ZNF829: variants seen among roughly 807,000 people sequenced by gnomAD.
ZNF829 encodes zinc finger protein 829.
A neutral mutation model predicts 35.2 loss-of-function variants in ZNF829; 25 were observed. That is an observed-to-expected ratio of 0.71 (90% confidence interval 0.52 to 0.99). ZNF829 has a LOEUF of 0.99. Ranked by LOEUF, ZNF829 falls within the 50% of genes least tolerant of loss-of-function variation. The pLI is 0.00. For synonymous variants in ZNF829, 136 were observed against 163.2 expected (o/e 0.83, Z 1.27); for missense variants, 417 against 515.3 (o/e 0.81, Z 1.85).
intron 5 of ZNF829, among the ~76,000 whole-genome samples, chr19:36,896,182 G>A (rs1042604449): frequency 2.0e-5 from 3 of 151,986 alleles, no homozygotes; most frequent in Non-Finnish European, 4.4e-5. Context: ...ATGGTGGCAG[G>A]CACCTGTAGT....
chr19:36,900,097 G>A (rs1426578066), intron 5 of ZNF829, among the ~76,000 whole-genome samples: 1 of 149,930 alleles, frequency 6.7e-6, no homozygotes, highest in East Asian at 2.0e-4. Context: ...CTTGAGGTCC[G>A]GAGTTCAAGA....
At chr19:36,915,935 C>T (rs2146256419) in intron 1 of ZNF829, 76 bp downstream of exon 1, 2 of 1,535,676 alleles carry the variant, frequency 1.3e-6, no homozygotes, top group African/African-American at 1.4e-5. Flanking sequence ...GGTATCCTCA[C>T]CTAAGCCCTT....
chr19:36,893,829 C>T (rs1345824682), intron 5 of ZNF829, among the ~76,000 whole-genome samples: 2 of 152,142 alleles, frequency 1.3e-5, no homozygotes, highest in African/African-American at 4.8e-5. Flanking sequence ...CTAATGGTTT[C>T]CCCAGTATGT....
At position 36,889,625 on chromosome 19, in the gene ZNF829, C is replaced by T. The variant is rs138835424; in HGVS notation, c.*1867G>A. 1.3e-5 allele frequency: 2 copies of T among 152,242 alleles called. No homozygotes were observed. The highest frequency in any genetic ancestry group is 4.8e-5 in the African/African-American group (2 of 41,540). 9.4% of individuals were successfully genotyped at this position (152,242 alleles called of 1,614,324 possible). ...ATGTCTGTGTTATCAGTTATAATATCACCTTATCATTTCTGATTGTATTTA... is the reference window on the plus strand; with the variant it reads ...ATGTCTGTGTTATCAGTTATAATATTACCTTATCATTTCTGATTGTATTTA... On this transcript the variant is annotated 3_prime_UTR_variant, in exon 6 of 6. Coordinates refer to ENST00000391711, the MANE Select transcript of ZNF829 (RefSeq NM_001037232.4).
At chr19:36,900,145 AACACACACACACACAC>A (rs56218050) in intron 5 of ZNF829, among the ~76,000 whole-genome samples, 1,245 of 120,488 alleles carry the variant, frequency 0.01, 14 homozygotes, top group Non-Finnish European at 0.015. Context: ...GTCTCTACTA[AACACACACACACACAC>A]ACACACACAC....
At chr19:36,910,684 G>A (rs1230982968) in intron 3 of ZNF829, among the ~76,000 whole-genome samples, 1 of 152,044 alleles carries the variant, frequency 6.6e-6, no homozygotes, top group Admixed American at 6.5e-5. Context: ...CTTCCATTTT[G>A]CTGTTCCTTA....
Position 36,890,071 on chromosome 19 carries a change from T to C in ZNF829, c.*1421A>G, listed in dbSNP as rs377706539. 1 of 152,222 alleles carries C rather than the reference T, an allele frequency of 6.6e-6. No homozygotes were observed. Among genetic ancestry groups the C allele is most frequent in the South Asian group, 2.1e-4 (1 of 4,836 alleles). The allele number at this position is 152,222 out of a possible 1,614,324, so 9.4% of individuals were successfully genotyped here. A position where few individuals can be genotyped will look rare whatever the true frequency, so the allele number is the denominator to read the frequency against. ...GCTGTTTAAATTCCATGTATCTGTTTTGAGAGTTCCTCTTGGTATTGATAT... is the reference window on the plus strand; with the variant it reads ...GCTGTTTAAATTCCATGTATCTGTTCTGAGAGTTCCTCTTGGTATTGATAT... On this transcript the variant is annotated 3_prime_UTR_variant, in exon 6 of 6. Transcript: ENST00000391711.
chr19:36,910,973 C>T (rs542499311), intron 3 of ZNF829, among the ~76,000 whole-genome samples: 2 of 152,326 alleles, frequency 1.3e-5, no homozygotes, highest in African/African-American at 4.8e-5. Context: ...TGCCGTTGCA[C>T]TCCAGCCTGG....
At position 36,890,918 on chromosome 19, in the gene ZNF829, T is replaced by C. The variant is rs1265930688; in HGVS notation, c.*574A>G. 6.6e-6 allele frequency: 1 copy of C among 152,142 alleles called. No homozygotes were observed. Among genetic ancestry groups the C allele is most frequent in the East Asian group, 1.9e-4 (1 of 5,196 alleles). 9.4% of individuals were successfully genotyped at this position (152,142 alleles called of 1,614,324 possible). ...TATGTATAAAAGGAAATTACAAATA[T>C]ATTAGACAAAATCATTCTAACAGGG... On this transcript the variant is annotated 3_prime_UTR_variant, in exon 6 of 6. Coordinates refer to ENST00000391711, the MANE Select transcript of ZNF829 (RefSeq NM_001037232.4).
At chr19:36,902,355 C>T (rs889598594) in intron 5 of ZNF829, among the ~76,000 whole-genome samples, 1 of 152,208 alleles carries the variant, frequency 6.6e-6, no homozygotes, top group African/African-American at 2.4e-5. Context: ...AAAAACTAGG[C>T]CGGGTGCTGT....
chr19:36,906,444 C>CA (rs2146244019), intron 5 of ZNF829: 1 of 152,274 alleles, frequency 6.6e-6, no homozygotes, highest in East Asian at 1.9e-4. Context: ...TCACAGAACA[C>CA]ACACATCAGA....
intron 3 of ZNF829, among the ~76,000 whole-genome samples, chr19:36,911,768 T>G (rs1486665201): frequency 6.6e-6 from 1 of 152,168 alleles, no homozygotes; most frequent in Non-Finnish European, 1.5e-5. Flanking sequence ...GCACAAAGAT[T>G]AGTACCTATT....
At chr19:36,892,796 AT>A (rs774351036) in intron 5 of ZNF829, 116 of 567,648 alleles carry the variant, frequency 2.0e-4, no homozygotes, top group South Asian at 3.2e-4. Flanking sequence ...AAAAAAAAAA[AT>A]TTTTTTTGCC....
intron 5 of ZNF829, among the ~76,000 whole-genome samples, chr19:36,894,490 A>G (rs2073093074): frequency 1.3e-5 from 2 of 152,182 alleles, no homozygotes; most frequent in South Asian, 4.1e-4. Context: ...AAAGAATTCA[A>G]AATAATGATA....
chr19:36,914,474 C>T (rs145599563), intron 3 of ZNF829, among the ~76,000 whole-genome samples: 8 of 152,106 alleles, frequency 5.3e-5, no homozygotes, highest in Admixed American at 1.3e-4. Flanking sequence ...TTATTAATCA[C>T]GGAAACCCAA....
chr19:36,908,378 A>G lies in ZNF829; in HGVS notation c.178T>C (p.Tyr60His). The G allele has an allele frequency of 6.2e-7, 1 of 1,613,906 alleles. No individual in the cohort carries two copies. The highest frequency in any genetic ancestry group is 8.5e-7 in the Non-Finnish European group (1 of 1,179,884). The change falls in exon 4 of 6, where the codon TAC (tyrosine) becomes CAC (histidine). Residue 60 changes from tyrosine to histidine, a missense_variant. Tyr to His is a moderately conservative substitution (Grantham distance 83, BLOSUM62 2). Coordinates refer to ENST00000391711, the MANE Select transcript of ZNF829 (RefSeq NM_001037232.4). Reference protein sequence around the residue: ...ECLDADQMNLYKEVMLENFSN... With the variant: ...ECLDADQMNLHKEVMLENFSN... ...AAATTCTCCAACATCACTTCTTTGT[A>G]TAAATTCATCTGATCAGCGTCCAGG...
chr19:36,891,413 T>C lies in ZNF829; in HGVS notation c.*79A>G, dbSNP rs1047897966. The C allele has an allele frequency of 2.9e-6, 4 of 1,371,788 alleles. No individual in the cohort carries two copies. Among genetic ancestry groups the C allele is most frequent in the African/African-American group, 2.9e-5 (2 of 68,338 alleles). 85.0% of individuals were successfully genotyped at this position (1,371,788 alleles called of 1,614,324 possible). A position where few individuals can be genotyped will look rare whatever the true frequency, so the allele number is the denominator to read the frequency against. ...ATACATAGGAGAACCTTTGATAATA[T>C]GTATCCTAATTTGTTCTCCTTACCT... is the stretch of plus-strand genomic sequence containing the variant. On this transcript the variant is annotated 3_prime_UTR_variant, in exon 6 of 6. Transcript: ENST00000391711.
In ZNF829 at chr19:36,888,397, C is replaced by G. The variant is rs889888741; in HGVS notation, c.*3095G>C. On this transcript the variant is annotated 3_prime_UTR_variant, in exon 6 of 6. Coordinates refer to ENST00000391711, the MANE Select transcript of ZNF829 (RefSeq NM_001037232.4). ...CTCCTTGCCCTGATGATATCTGTCT[C>G]TACAATATCCAGTACTCCCACGTCA... is the stretch of plus-strand genomic sequence containing the variant. The G allele has an allele frequency of 2.0e-5, 3 of 152,178 alleles. No individual in the cohort carries two copies. The highest frequency in any genetic ancestry group is 7.2e-5 in the African/African-American group (3 of 41,440). The allele number at this position is 152,178 out of a possible 1,614,324, so 9.4% of individuals were successfully genotyped here. A position where few individuals can be genotyped will look rare whatever the true frequency, so the allele number is the denominator to read the frequency against.
At chr19:36,915,915 A>G in intron 1 of ZNF829, 96 bp downstream of exon 1, 1 of 1,536,036 alleles carries the variant, frequency 6.5e-7, no homozygotes, top group Non-Finnish European at 8.7e-7. Context: ...CCAGCTCCCC[A>G]TCGGTCTTCG....
Sources: gnomAD v4.1 joint callset for allele counts (sites outside exome capture counted in the v4.1 genomes callset) on GRCh38, gnomAD v4.1.1 for gene constraint, MANE v1.5 for transcripts, NCBI Gene and HGNC (gene_info 2026-07-23, HGNC 2026-07-21) for gene names.